The following NEDD4L variants were observed in gnomAD, a reference collection of about 807,000 sequenced individuals.
The protein encoded by NEDD4L is E3 ubiquitin-protein ligase NEDD4-like.
A neutral mutation model predicts 148.9 loss-of-function variants in NEDD4L; 54 were observed. The observed-to-expected ratio is 0.36, with a 90% CI of 0.29 to 0.45. NEDD4L has a LOEUF of 0.45. Among genes scored for constraint, NEDD4L ranks in the 20% least tolerant of loss-of-function variants. The pLI, the probability that NEDD4L is intolerant of heterozygous loss-of-function variation, is 1.00. For synonymous variants in NEDD4L, 433 were observed against 440.7 expected, an observed-to-expected ratio of 0.98 and a Z score of 0.22; for missense variants, 856 against 1,233.8, an observed-to-expected ratio of 0.69 and a Z score of 4.59.
intron 2 of NEDD4L, among the ~76,000 whole-genome samples, chr18:58,206,116 C>G (rs527663349): frequency 6.6e-6 from 1 of 152,146 alleles, no homozygotes; most frequent in Non-Finnish European, 1.5e-5. Flanking sequence ...GCATGGGGCG[C>G]GGTGGCTCAT....
intron 24 of NEDD4L, among the ~76,000 whole-genome samples, chr18:58,376,737 C>T (rs1202740156): frequency 6.6e-6 from 1 of 152,214 alleles, no homozygotes. Flanking sequence ...TGCCAGAAAC[C>T]TTCAGGGGTC....
chr18:58,111,810 G>T (rs1453399475), intron 1 of NEDD4L, among the ~76,000 whole-genome samples: 1 of 152,138 alleles, frequency 6.6e-6, no homozygotes, highest in Non-Finnish European at 1.5e-5. Context: ...TACAGGTTTT[G>T]GATGAATATG....
chr18:58,329,461 A>G (rs555220805), intron 10 of NEDD4L, among the ~76,000 whole-genome samples: 13 of 152,104 alleles, frequency 8.5e-5, no homozygotes, highest in South Asian at 4.2e-4. Context: ...GGTTCGAGCA[A>G]TTCTCCTGCC....
At chr18:58,339,206 G>A (rs529703732) in intron 13 of NEDD4L, among the ~76,000 whole-genome samples, 7 of 152,276 alleles carry the variant, frequency 4.6e-5, no homozygotes, top group South Asian at 2.1e-4. Flanking sequence ...GGCTCTGGGC[G>A]GAGGGAGCTG....
intron 24 of NEDD4L, among the ~76,000 whole-genome samples, chr18:58,376,391 C>G (rs1206147449): frequency 6.6e-6 from 1 of 152,136 alleles, no homozygotes; most frequent in Non-Finnish European, 1.5e-5. Context: ...GAATTAGGTG[C>G]CCAGTTTGTT....
At chr18:58,345,832 C>G (rs1183899183) in intron 16 of NEDD4L, among the ~76,000 whole-genome samples, 1 of 152,054 alleles carries the variant, frequency 6.6e-6, no homozygotes, top group African/African-American at 2.4e-5. Flanking sequence ...ACCTCTGTCT[C>G]CCGGGTTCAT....
intron 2 of NEDD4L, among the ~76,000 whole-genome samples, chr18:58,213,594 A>G (rs2042827921): frequency 6.6e-6 from 1 of 152,144 alleles, no homozygotes; most frequent in Non-Finnish European, 1.5e-5. Flanking sequence ...GTTAATGTGG[A>G]ATGGTGGGAG....
chr18:58,271,560 T>G (rs1163385087), intron 5 of NEDD4L, among the ~76,000 whole-genome samples: 1 of 152,204 alleles, frequency 6.6e-6, no homozygotes, highest in Non-Finnish European at 1.5e-5. Context: ...TAGAGTGAGA[T>G]TAGCTAGAAA....
At chr18:58,230,417 C>CTT (rs34928650) in intron 2 of NEDD4L, among the ~76,000 whole-genome samples, 3 of 143,094 alleles carry the variant, frequency 2.1e-5, no homozygotes, top group East Asian at 2.0e-4. Context: ...GAAGCTTCTT[C>CTT]TTTTTTTTTT....
chr18:58,353,171 G>A (rs1259355566), intron 18 of NEDD4L, among the ~76,000 whole-genome samples: 3 of 152,186 alleles, frequency 2.0e-5, no homozygotes, highest in Non-Finnish European at 2.9e-5. Flanking sequence ...GCGCAACTCC[G>A]GCTTACTGGA....
rs970511040 is a variant in NEDD4L at position 58,396,426 on chromosome 18, G to A, written c.*157G>A. The A allele has an allele frequency of 4.1e-5, 23 of 555,636 alleles. No homozygotes were observed. The highest frequency in any genetic ancestry group is 3.0e-4 in the Admixed American group (10 of 33,368). 34.4% of individuals were successfully genotyped at this position (555,636 alleles called of 1,614,324 possible). On this transcript the variant is annotated 3_prime_UTR_variant, in exon 31 of 31. Coordinates refer to ENST00000400345, the MANE Select transcript of NEDD4L (RefSeq NM_001144967.3). ...CACGCACTCGTCCAAGTTCGGATGC[G>A]GGAACCTGGTCCCAGCTTGAGTTCC...
At chr18:58,075,958 A>G (rs2083135170) in intron 1 of NEDD4L, among the ~76,000 whole-genome samples, 1 of 152,126 alleles carries the variant, frequency 6.6e-6, no homozygotes, top group African/African-American at 2.4e-5. Flanking sequence ...TTATTTTCTT[A>G]CTGATTTTCC....
At chr18:58,161,601 A>G (rs1221489776) in intron 1 of NEDD4L, among the ~76,000 whole-genome samples, 1 of 152,032 alleles carries the variant, frequency 6.6e-6, no homozygotes, top group Non-Finnish European at 1.5e-5. Context: ...TATCATTGAC[A>G]TTTTTTTAAA....
chr18:58,269,542 T>G (rs1318954990), intron 5 of NEDD4L, among the ~76,000 whole-genome samples: 4 of 152,072 alleles, frequency 2.6e-5, no homozygotes, highest in Non-Finnish European at 5.9e-5. Context: ...TAATGCAGAC[T>G]GGATAAAAAG....
At position 58,256,569 on chromosome 18, in the gene NEDD4L, C is replaced by CTGGCAGGATGGCTCCTGAAAT; in HGVS notation, c.297+4516_297+4536dup. ...GGAGCCCTGGAGGCATCGCCTCGAG[C>CTGGCAGGATGGCTCCTGAAAT]TGGCAGGATGGCTCCTGAAATCCGC... On this transcript the variant is annotated intron_variant, in intron 5 of 30. Coordinates refer to ENST00000400345, the MANE Select transcript of NEDD4L (RefSeq NM_001144967.3). The surrounding 1 kb of genome is among the most constrained non-coding windows in gnomAD (Gnocchi z 5.2). 4.1e-6 allele frequency: 5 copies of CTGGCAGGATGGCTCCTGAAAT among 1,232,324 alleles called. No individual in the cohort carries two copies. The highest frequency in any genetic ancestry group is 1.5e-5 in the African/African-American group (1 of 64,538). The allele number at this position is 1,232,324 out of a possible 1,614,324, so 76.3% of individuals were successfully genotyped here.
rs758303601 is a variant in NEDD4L at position 58,366,268 on chromosome 18, G to A, written c.2063+40G>A. On this transcript the variant is annotated intron_variant, in intron 21 of 30. Transcript: ENST00000400345. The surrounding 1 kb of genome is among the most constrained non-coding windows in gnomAD (Gnocchi z 4.2). ...ACACCCAGTGTGTGTCCCCCACTGAGACAGTTGTATGAATTTAAACAGAAT... is the reference window on the plus strand; with the variant it reads ...ACACCCAGTGTGTGTCCCCCACTGAAACAGTTGTATGAATTTAAACAGAAT... The A allele has an allele frequency of 1.5e-6, 2 of 1,361,966 alleles. No homozygotes were observed. Among genetic ancestry groups the A allele is most frequent in the Non-Finnish European group, 2.0e-6 (2 of 993,246 alleles). 84.4% of individuals were successfully genotyped at this position (1,361,966 alleles called of 1,614,324 possible). A position where few individuals can be genotyped will look rare whatever the true frequency, so the allele number is the denominator to read the frequency against.
chr18:58,120,620 A>T (rs1429854239), intron 1 of NEDD4L, among the ~76,000 whole-genome samples: 2 of 152,050 alleles, frequency 1.3e-5, no homozygotes, highest in African/African-American at 4.8e-5. Context: ...TCTACTAAAA[A>T]TACAAAAAAA....
intron 2 of NEDD4L, among the ~76,000 whole-genome samples, chr18:58,231,312 G>C (rs1321264379): frequency 6.6e-6 from 1 of 151,584 alleles, no homozygotes; most frequent in Non-Finnish European, 1.5e-5. Context: ...AAAGGGAGTG[G>C]TCTAAGTATT....
In NEDD4L at chr18:58,256,489, C is replaced by T. The variant is rs946488837; in HGVS notation, c.297+4435C>T. The T allele has an allele frequency of 3.0e-5, 37 of 1,232,140 alleles. No homozygotes were observed. The highest frequency in any genetic ancestry group is 3.4e-5 in the Non-Finnish European group (34 of 988,050). 76.3% of individuals were successfully genotyped at this position (1,232,140 alleles called of 1,614,324 possible). On this transcript the variant is annotated intron_variant, in intron 5 of 30. Coordinates refer to ENST00000400345, the MANE Select transcript of NEDD4L (RefSeq NM_001144967.3). The surrounding 1 kb of genome is among the most constrained non-coding windows in gnomAD (Gnocchi z 5.2). ...ATCCTCGCATTCGGCTGGAGAGGAG[C>T]ACCTCGTACCCCACGCAGCCCCGAA...
Sources: allele counts gnomAD v4.1 joint callset (sites outside exome capture counted in the v4.1 genomes callset), GRCh38; gene constraint gnomAD v4.1.1; non-coding constraint Gnocchi (gnomAD v3.1); transcripts MANE v1.5; gene names NCBI Gene and HGNC (gene_info 2026-07-23, HGNC 2026-07-21).